Variants in FHIT observed in about 807,000 individuals in gnomAD.
The protein encoded by FHIT is bis(5'-adenosyl)-triphosphatase.
Under a neutral mutation model 17.9 loss-of-function variants are expected in FHIT, and 19 were observed. The observed-to-expected ratio is 1.06, with a 90% CI of 0.74 to 1.56. The LOEUF (loss-of-function observed/expected upper bound fraction) is 1.56. Ranked by LOEUF, FHIT falls within the 40% of genes most tolerant of loss-of-function variation. The pLI is 0.00. For synonymous variants in FHIT, 81 were observed against 69.7 expected (o/e 1.16, Z -0.81); for missense variants, 248 against 189.2 (o/e 1.31, Z -1.82).
chr3:61,209,684 T>C (rs2039389648), intron 1 of FHIT, among the ~76,000 whole-genome samples: 1 of 152,244 alleles, frequency 6.6e-6, no homozygotes, highest in South Asian at 2.1e-4. Context: ...AGGACTTCTG[T>C]GCATTGGTTA....
chr3:60,607,016 T>C (rs1322927449), intron 4 of FHIT, among the ~76,000 whole-genome samples: 1 of 152,176 alleles, frequency 6.6e-6, no homozygotes. Context: ...GCTCATTCCA[T>C]TGCTGGACCT....
chr3:60,907,300 T>C (rs1206990242), intron 3 of FHIT, among the ~76,000 whole-genome samples: 2 of 152,270 alleles, frequency 1.3e-5, no homozygotes, highest in Middle Eastern at 6.8e-3. Context: ...TGAGGAACAA[T>C]TGGACAGATC....
chr3:60,117,343 T>C (rs558933826), intron 5 of FHIT, among the ~76,000 whole-genome samples: 2 of 152,118 alleles, frequency 1.3e-5, no homozygotes, highest in Non-Finnish European at 2.9e-5. Flanking sequence ...AAGTTCAAAT[T>C]GCCTTTTCCC....
intron 4 of FHIT, among the ~76,000 whole-genome samples, chr3:60,699,760 CACACACACACACAT>C (rs2041197723): frequency 6.8e-6 from 1 of 148,014 alleles, no homozygotes; most frequent in African/African-American, 2.6e-5. Flanking sequence ...AATACACACA[CACACACACACACAT>C]ACACACATAC....
At chr3:60,215,826 C>A (rs992960291) in intron 5 of FHIT, among the ~76,000 whole-genome samples, 1 of 152,028 alleles carries the variant, frequency 6.6e-6, no homozygotes, top group African/African-American at 2.4e-5. Flanking sequence ...CTTGGTAACA[C>A]GAAATTTCCA....
chr3:60,348,023 T>C (rs1245594663), intron 5 of FHIT, among the ~76,000 whole-genome samples: 1 of 152,114 alleles, frequency 6.6e-6, no homozygotes, highest in African/African-American at 2.4e-5. Flanking sequence ...CCTCCCAAAG[T>C]TCTGGGATTA....
At chr3:61,026,892 T>C (rs1422693451) in intron 3 of FHIT, among the ~76,000 whole-genome samples, 1 of 152,200 alleles carries the variant, frequency 6.6e-6, no homozygotes, top group South Asian at 2.1e-4. Flanking sequence ...TTGAGTTGGA[T>C]TGAAACAGTT....
intron 5 of FHIT, among the ~76,000 whole-genome samples, chr3:60,457,294 G>C (rs1256193801): frequency 6.6e-6 from 1 of 152,072 alleles, no homozygotes; most frequent in African/African-American, 2.4e-5. Flanking sequence ...ACAACCACCT[G>C]ATCTTTGACA....
At chr3:59,764,742 C>T (rs1414963378) in intron 8 of FHIT, among the ~76,000 whole-genome samples, 1 of 151,766 alleles carries the variant, frequency 6.6e-6, no homozygotes, top group Non-Finnish European at 1.5e-5. Flanking sequence ...TTTTTTCTAA[C>T]CAGAATACTT....
intron 5 of FHIT, among the ~76,000 whole-genome samples, chr3:60,223,720 A>C (rs1027597672): frequency 6.6e-6 from 1 of 152,142 alleles, no homozygotes; most frequent in African/African-American, 2.4e-5. Flanking sequence ...TCCTACATAC[A>C]GGTGCTAATT....
At chr3:60,185,098 T>G (rs920031196) in intron 5 of FHIT, among the ~76,000 whole-genome samples, 1 of 152,206 alleles carries the variant, frequency 6.6e-6, no homozygotes, top group Non-Finnish European at 1.5e-5. Context: ...TTTCTTTTAT[T>G]GGGAAATGGA....
intron 5 of FHIT, among the ~76,000 whole-genome samples, chr3:60,161,986 G>A (rs903715411): frequency 3.3e-5 from 5 of 152,210 alleles, no homozygotes; most frequent in South Asian, 2.1e-4. Flanking sequence ...AAGGTAAACC[G>A]GACGTTGGAA....
chr3:60,755,466 A>G (rs2042553922), intron 4 of FHIT, among the ~76,000 whole-genome samples: 1 of 152,196 alleles, frequency 6.6e-6, no homozygotes, highest in African/African-American at 2.4e-5. Flanking sequence ...TAGGATGACA[A>G]TGACTCTGTG....
intron 2 of FHIT, among the ~76,000 whole-genome samples, chr3:61,169,278 A>T (rs1158681155): frequency 2.0e-5 from 3 of 152,180 alleles, no homozygotes; most frequent in Non-Finnish European, 4.4e-5. Context: ...TGGAGAAAAC[A>T]GTTTTATCTC....
At chr3:60,211,089 A>AAG (rs1703431707) in intron 5 of FHIT, among the ~76,000 whole-genome samples, 2 of 141,248 alleles carry the variant, frequency 1.4e-5, no homozygotes, top group Non-Finnish European at 3.0e-5. Context: ...AAAAAAAAAG[A>AAG]AGAGGAGGAA....
chr3:60,160,899 C>A (rs1039108242), intron 5 of FHIT, among the ~76,000 whole-genome samples: 3 of 151,584 alleles, frequency 2.0e-5, no homozygotes, highest in Non-Finnish European at 4.4e-5. Flanking sequence ...GAACAACAGA[C>A]AATATGATCC....
At chr3:60,577,946 G>A (rs2037624386) in intron 4 of FHIT, among the ~76,000 whole-genome samples, 1 of 152,124 alleles carries the variant, frequency 6.6e-6, no homozygotes, top group African/African-American at 2.4e-5. Flanking sequence ...AAAAGGCTAA[G>A]GGATCACTTT....
At chr3:60,040,705 C>T (rs150019078) in intron 5 of FHIT, among the ~76,000 whole-genome samples, 1 of 152,094 alleles carries the variant, frequency 6.6e-6, no homozygotes, top group Non-Finnish European at 1.5e-5. Flanking sequence ...GAAGCGAACA[C>T]AAAGAAAAGT....
At position 60,042,443 on chromosome 3, in the gene FHIT, A is replaced by T. The variant is rs114843919; in HGVS notation, c.104-28291T>A. Among the ~76,000 whole-genome samples the T allele has an allele frequency of 1.9e-3, 295 of 152,280 alleles. 2 individuals carry two copies. Among genetic ancestry groups the T allele is most frequent in the African/African-American group, 6.9e-3 (287 of 41,560 alleles). ...CACAGTTCTGAGGACAGGGGCCTAA[A>T]CCAATGGGTCACCAGGGTTGGTTCC... On this transcript the variant is annotated intron_variant, in intron 5 of 9. Transcript: ENST00000492590.
Sources: allele counts gnomAD v4.1 joint callset (sites outside exome capture counted in the v4.1 genomes callset), GRCh38; gene constraint gnomAD v4.1.1; transcripts MANE v1.5; gene names NCBI Gene and HGNC (gene_info 2026-07-23, HGNC 2026-07-21).